The following DPH6 variants were observed in gnomAD, a reference collection of about 807,000 sequenced individuals.
The protein encoded by DPH6 is diphthamine biosynthesis 6.
DPH6 carries 33 observed loss-of-function variants against 38.2 expected under a neutral mutation model. The observed-to-expected ratio is 0.86, with a 90% CI of 0.65 to 1.15. The LOEUF is 1.15. Among genes scored for constraint, DPH6 ranks in the 50% most tolerant of loss-of-function variants. The probability of loss-of-function intolerance (pLI) is 0.00; values close to 1 mark genes in which losing one functional copy is unlikely to be tolerated. For synonymous variants in DPH6, 108 were observed against 103.0 expected (o/e 1.05, Z -0.30); for missense variants, 325 against 320.0 (o/e 1.02, Z -0.12).
At chr15:35,180,390 AAAACAC>A in the DPH6 span, among the ~76,000 whole-genome samples, 2 of 118,338 alleles carry the variant, frequency 1.7e-5, no homozygotes, top group Non-Finnish European at 3.4e-5. Flanking sequence ...AGTTGGTTTT[AAAACAC>A]ACACACACAC....
chr15:35,319,040 A>G (rs2052217366), intron 3 of DPH6, among the ~76,000 whole-genome samples: 1 of 152,216 alleles, frequency 6.6e-6, no homozygotes, highest in African/African-American at 2.4e-5. Flanking sequence ...ACTAACCTTC[A>G]TAGACTAACT....
intron 3 of DPH6, chr15:35,237,484 C>T (rs1354692903): frequency 6.3e-7 from 1 of 1,578,938 alleles, no homozygotes; most frequent in Non-Finnish European, 8.7e-7. Context: ...CCAACGTAGG[C>T]CTCACCTCAA....
chr15:35,531,620 C>T (rs566230588), intron 3 of DPH6, among the ~76,000 whole-genome samples: 20 of 152,044 alleles, frequency 1.3e-4, no homozygotes, highest in South Asian at 4.2e-4. Flanking sequence ...ATTACAGGCA[C>T]GCACCACCAC....
the DPH6 span, among the ~76,000 whole-genome samples, chr15:35,178,255 C>T: frequency 6.6e-6 from 1 of 152,110 alleles, no homozygotes; most frequent in Non-Finnish European, 1.5e-5. Context: ...TCTCACACTG[C>T]TAACAAAGAT....
At chr15:35,403,401 T>C (rs2053247750) in intron 6 of DPH6, among the ~76,000 whole-genome samples, 1 of 152,148 alleles carries the variant, frequency 6.6e-6, no homozygotes, top group African/African-American at 2.4e-5. Flanking sequence ...TTCTTTATGT[T>C]AGAATCAGTC....
At chr15:35,373,643 C>T (rs775534529) in intron 7 of DPH6, 35 bp from the exon 8 acceptor site, 1 of 1,557,620 alleles carries the variant, frequency 6.4e-7, no homozygotes, top group Non-Finnish European at 8.7e-7. Flanking sequence ...CATTTATATG[C>T]TACAAAAATT....
intron 3 of DPH6, among the ~76,000 whole-genome samples, chr15:35,495,005 A>G (rs920144522): frequency 2.0e-5 from 3 of 152,174 alleles, no homozygotes; most frequent in Non-Finnish European, 4.4e-5. Flanking sequence ...TTTAAAAGTA[A>G]TAAGTGAAGT....
chr15:35,166,782 C>T, the DPH6 span, among the ~76,000 whole-genome samples: 1 of 151,854 alleles, frequency 6.6e-6, no homozygotes, highest in Non-Finnish European at 1.5e-5. Flanking sequence ...AGAATTCTTT[C>T]CAAAGGAGAT....
intron 6 of DPH6, among the ~76,000 whole-genome samples, chr15:35,384,151 T>C (rs893641626): frequency 2.0e-5 from 3 of 152,240 alleles, no homozygotes; most frequent in African/African-American, 7.2e-5. Context: ...ATTGGGATTA[T>C]TGTATCCTAG....
chr15:35,271,662 T>C (rs1474283194), intron 3 of DPH6, among the ~76,000 whole-genome samples: 2 of 152,176 alleles, frequency 1.3e-5, no homozygotes, highest in African/African-American at 2.4e-5. Context: ...TGACCCACGA[T>C]GGTGGTAGAA....
At chr15:35,498,941 C>CT (rs1371392127) in intron 3 of DPH6, among the ~76,000 whole-genome samples, 4 of 98,884 alleles carry the variant, frequency 4.0e-5, no homozygotes, top group Non-Finnish European at 5.4e-5. Flanking sequence ...GGCCTCATCT[C>CT]TTAAAAAAAA....
chr15:35,146,753 T>C, the DPH6 span, among the ~76,000 whole-genome samples: 1 of 152,152 alleles, frequency 6.6e-6, no homozygotes, highest in East Asian at 1.9e-4. Context: ...GCCTGTACAT[T>C]ATTCATATAT....
At chr15:35,446,371 C>G (rs1469260661) in intron 5 of DPH6, among the ~76,000 whole-genome samples, 2 of 151,506 alleles carry the variant, frequency 1.3e-5, no homozygotes, top group African/African-American at 2.4e-5. Context: ...GCTGGGATTA[C>G]AGGCACACAC....
chr15:35,534,926 T>G (rs2055146272), intron 3 of DPH6, among the ~76,000 whole-genome samples: 1 of 152,210 alleles, frequency 6.6e-6, no homozygotes, highest in South Asian at 2.1e-4. Context: ...GCTTATCTTC[T>G]GCCAACTACC....
At chr15:35,542,904 C>A (rs1444953469) in intron 1 of DPH6, among the ~76,000 whole-genome samples, 29 of 113,216 alleles carry the variant, frequency 2.6e-4, no homozygotes, top group Non-Finnish European at 4.0e-4. Flanking sequence ...TATATTATTC[C>A]ACTTAAGGAA....
At chr15:35,349,116 T>C (rs2052487002) in intron 3 of DPH6, among the ~76,000 whole-genome samples, 1 of 152,160 alleles carries the variant, frequency 6.6e-6, no homozygotes. Flanking sequence ...GAGTTAATTT[T>C]ACTTCTTCCT....
At chr15:35,174,834 G>A in the DPH6 span, among the ~76,000 whole-genome samples, 7 of 152,208 alleles carry the variant, frequency 4.6e-5, no homozygotes, top group African/African-American at 1.7e-4. Context: ...AAGGTGACAT[G>A]TAGAGGTGGG....
At chr15:35,289,107 T>C (rs997737065) in intron 3 of DPH6, among the ~76,000 whole-genome samples, 2 of 152,202 alleles carry the variant, frequency 1.3e-5, no homozygotes, top group African/African-American at 4.8e-5. Flanking sequence ...ATTTCTATGA[T>C]AAAAGCCAGA....
the DPH6 span, among the ~76,000 whole-genome samples, chr15:35,174,179 A>C: frequency 1.3e-5 from 2 of 152,212 alleles, no homozygotes; most frequent in Admixed American, 6.5e-5. Context: ...GGAATGAATA[A>C]ATTGAGAAAA....
Sources: allele counts gnomAD v4.1 joint callset (sites outside exome capture counted in the v4.1 genomes callset), GRCh38; gene constraint gnomAD v4.1.1; transcripts MANE v1.5; gene names NCBI Gene and HGNC (gene_info 2026-07-23, HGNC 2026-07-21).